The following CALD1 variants were observed in gnomAD, a reference collection of about 807,000 sequenced individuals.
CALD1 encodes the protein caldesmon.
A neutral mutation model predicts 99.9 loss-of-function variants in CALD1; 33 were observed. The ratio of observed to expected loss-of-function variants is 0.33; its 90% CI spans 0.25 to 0.44. The LOEUF is 0.44. Ranked by LOEUF, CALD1 falls within the 20% of genes least tolerant of loss-of-function variation. The probability of loss-of-function intolerance (pLI) is 1.00; values close to 1 mark genes in which losing one functional copy is unlikely to be tolerated. For synonymous variants in CALD1, 310 were observed against 325.0 expected (o/e 0.95, Z 0.50); for missense variants, 861 against 962.1 (o/e 0.89, Z 1.39).
intron 6 of CALD1, 152 bp from the exon 7 acceptor site, chr7:134,940,940 A>G (rs1806377722): frequency 1.7e-6 from 1 of 605,806 alleles, no homozygotes; most frequent in Non-Finnish European, 2.9e-6. Context: ...ATTCTCTAAG[A>G]ATTTCACCTG....
intron 6 of CALD1, among the ~76,000 whole-genome samples, chr7:134,936,571 G>T (rs146400632): frequency 1.5e-3 from 228 of 152,320 alleles, no homozygotes; most frequent in Middle Eastern, 3.4e-3. Context: ...GACTGGTGAA[G>T]TGATTTGTAG....
chr7:134,966,219 G>A (rs927996636), intron 14 of CALD1, among the ~76,000 whole-genome samples: 3 of 152,148 alleles, frequency 2.0e-5, no homozygotes, highest in Admixed American at 6.5e-5. Context: ...GCACATCAAC[G>A]GCAACTAGAG....
At chr7:134,752,620 A>T (rs1257876917) in intron 1 of CALD1, among the ~76,000 whole-genome samples, 4 of 152,210 alleles carry the variant, frequency 2.6e-5, no homozygotes, top group Non-Finnish European at 5.9e-5. Context: ...CCGAGTAATT[A>T]TGCAACTTCT....
chr7:134,742,537 G>C (rs568207052), upstream of CALD1, among the ~76,000 whole-genome samples: 13 of 152,308 alleles, frequency 8.5e-5, no homozygotes, highest in Middle Eastern at 3.4e-3. Flanking sequence ...GCTGGCAGGG[G>C]CTGGTTGGGG....
intron 1 of CALD1, among the ~76,000 whole-genome samples, chr7:134,751,709 G>T (rs374928600): frequency 5.3e-4 from 81 of 152,276 alleles, no homozygotes; most frequent in African/African-American, 1.9e-3. Flanking sequence ...GGGCGTGGTG[G>T]CTCACAACTG....
intron 1 of CALD1, among the ~76,000 whole-genome samples, chr7:134,823,040 T>G (rs946706112): frequency 1.3e-5 from 2 of 152,186 alleles, no homozygotes; most frequent in African/African-American, 4.8e-5. Context: ...TGGGTCACCC[T>G]GCCCACCCCA....
intron 3 of CALD1, among the ~76,000 whole-genome samples, chr7:134,908,397 CTCA>C (rs1330321857): frequency 6.6e-6 from 1 of 152,180 alleles, no homozygotes; most frequent in East Asian, 1.9e-4. Context: ...TGATGAGTTG[CTCA>C]TCTATTTCCT....
At chr7:134,928,360 T>G (rs1805207605) in intron 3 of CALD1, among the ~76,000 whole-genome samples, 1 of 122,130 alleles carries the variant, frequency 8.2e-6, no homozygotes. Flanking sequence ...TCCCAGGAGG[T>G]GGAGGTGGCA....
In CALD1 at chr7:134,941,150, T is replaced by C. The variant is rs1003475902; in HGVS notation, c.1445T>C (p.Met482Thr). The C allele has an allele frequency of 8.7e-6, 14 of 1,612,900 alleles. No homozygotes were observed. Among genetic ancestry groups the C allele is most frequent in the Admixed American group, 8.3e-5 (5 of 59,906 alleles). Reference protein sequence around the residue: ...KEPKEEVKSFMDRKKGFTEVK... With the variant: ...KEPKEEVKSFTDRKKGFTEVK... ...CCCAAAGAAGAAGTTAAGAGCTTCA[T>C]GGATCGAAAGAAGGGATTTACAGAA... The change falls in exon 7 of 15, where the codon ATG (methionine) becomes ACG (threonine). Residue 482 changes from methionine to threonine, a missense_variant. By Grantham distance (81) the Met-to-Thr change is moderately conservative. Coordinates refer to ENST00000361675, the MANE Select transcript of CALD1 (RefSeq NM_033138.4).
At chr7:134,934,860 C>G (rs951631010) in intron 5 of CALD1, among the ~76,000 whole-genome samples, 48 of 152,126 alleles carry the variant, frequency 3.2e-4, no homozygotes, top group Middle Eastern at 3.4e-3. Flanking sequence ...CACTGGGCAA[C>G]AGGGAGAGAC....
intron 2 of CALD1, among the ~76,000 whole-genome samples, chr7:134,858,049 C>T (rs1271604753): frequency 2.0e-5 from 3 of 147,958 alleles, no homozygotes; most frequent in African/African-American, 7.5e-5. Context: ...AAACCAGTCA[C>T]AAAAAGCAGG....
intron 1 of CALD1, among the ~76,000 whole-genome samples, chr7:134,757,543 G>A (rs548152128): frequency 9.9e-5 from 15 of 152,136 alleles, no homozygotes; most frequent in African/African-American, 3.6e-4. Flanking sequence ...TTCTTATCAG[G>A]GTTTGTCTTA....
intron 4 of CALD1, among the ~76,000 whole-genome samples, chr7:134,930,596 A>T (rs1805448967): frequency 6.6e-6 from 1 of 152,160 alleles, no homozygotes; most frequent in Non-Finnish European, 1.5e-5. Context: ...TTCCCTCAAT[A>T]AGTAGCTTCT....
intron 1 of CALD1, among the ~76,000 whole-genome samples, chr7:134,754,320 T>C (rs969302721): frequency 5.3e-5 from 8 of 152,338 alleles, no homozygotes; most frequent in Non-Finnish European, 8.8e-5. Context: ...AATGTTAGCA[T>C]TGGCCACTGT....
At chr7:134,966,923 T>C (rs1808720891) in intron 14 of CALD1, among the ~76,000 whole-genome samples, 1 of 152,110 alleles carries the variant, frequency 6.6e-6, no homozygotes, top group African/African-American at 2.4e-5. Context: ...GAAGACATTC[T>C]CCACACACCA....
chr7:134,939,486 C>T (rs1806255582), intron 6 of CALD1, among the ~76,000 whole-genome samples: 1 of 152,178 alleles, frequency 6.6e-6, no homozygotes, highest in Non-Finnish European at 1.5e-5. Flanking sequence ...GTACAGCCCC[C>T]ATTTTCAGTG....
chr7:134,838,485 T>G (rs1447173629), intron 1 of CALD1, among the ~76,000 whole-genome samples: 1 of 152,228 alleles, frequency 6.6e-6, no homozygotes, highest in Non-Finnish European at 1.5e-5. Flanking sequence ...AAGGGCTGGA[T>G]GGATGGTGAA....
At chr7:134,938,501 A>G (rs528531146) in intron 6 of CALD1, among the ~76,000 whole-genome samples, 2 of 152,160 alleles carry the variant, frequency 1.3e-5, no homozygotes, top group Non-Finnish European at 2.9e-5. Flanking sequence ...TGAAGCACAC[A>G]AACTTTTTCA....
At chr7:134,719,951 C>G in the CALD1 span, among the ~76,000 whole-genome samples, 1 of 152,164 alleles carries the variant, frequency 6.6e-6, no homozygotes, top group Non-Finnish European at 1.5e-5. Context: ...ATCTCTGTTT[C>G]AACTCAGTTG....
Sources: allele counts gnomAD v4.1 joint callset (sites outside exome capture counted in the v4.1 genomes callset), GRCh38; gene constraint gnomAD v4.1.1; transcripts MANE v1.5; gene names NCBI Gene and HGNC (gene_info 2026-07-23, HGNC 2026-07-21).